FGD6: variants seen among roughly 807,000 people sequenced by gnomAD.
The protein encoded by FGD6 is FYVE, RhoGEF and PH domain-containing protein 6.
A neutral mutation model predicts 149.4 loss-of-function variants in FGD6; 90 were observed. The observed-to-expected ratio is 0.60, with a 90% CI of 0.51 to 0.72. FGD6 has a LOEUF of 0.72. FGD6 is among the 30% of genes least tolerant of loss of function. The pLI, the probability that FGD6 is intolerant of heterozygous loss-of-function variation, is 0.00. For missense variants in FGD6, 1,437 were observed against 1,684.8 expected (o/e 0.85, Z 2.57); for synonymous variants, 527 against 584.0 (o/e 0.90, Z 1.41).
At chr12:95,112,220 T>TA (rs1878849224) in intron 9 of FGD6, among the ~76,000 whole-genome samples, 1 of 146,718 alleles carries the variant, frequency 6.8e-6, no homozygotes, top group African/African-American at 2.5e-5. Context: ...GGTGACAAAG[T>TA]AAGACTCTGT....
chr12:95,158,862 A>AAAT (rs59224007), intron 3 of FGD6, among the ~76,000 whole-genome samples: 14,812 of 150,288 alleles, frequency 0.099, 764 homozygotes, highest in South Asian at 0.14. Flanking sequence ...TCGTTAGTAA[A>AAAT]AATAATAATA....
At chr12:95,153,946 T>TGTGTGA (rs1192369573) in intron 3 of FGD6, among the ~76,000 whole-genome samples, 27 of 137,618 alleles carry the variant, frequency 2.0e-4, no homozygotes, top group African/African-American at 7.5e-4. Context: ...TGTGTGTGTG[T>TGTGTGA]GAGTGAGAGA....
chr12:95,163,247 C>T (rs1488478181), intron 3 of FGD6, among the ~76,000 whole-genome samples: 3 of 152,112 alleles, frequency 2.0e-5, no homozygotes, highest in East Asian at 1.9e-4. Context: ...TGTCCCTTTG[C>T]GCATATACCT....
At chr12:95,148,803 GTTATATTACATATA>G (rs1329781419) in intron 5 of FGD6, among the ~76,000 whole-genome samples, 83 of 66,664 alleles carry the variant, frequency 1.2e-3, no homozygotes, top group South Asian at 2.8e-3. Context: ...CATAGCATAT[GTTATATTACATATA>G]TTATATATAT....
chr12:95,108,263 C>A, intron 11 of FGD6, 85 bp downstream of exon 11: 1 of 1,217,228 alleles, frequency 8.2e-7, no homozygotes, highest in Non-Finnish European at 1.2e-6. Context: ...ACAAAAACAA[C>A]CTATTTTTAT....
chr12:95,110,804 G>A (rs1408032853), intron 9 of FGD6, among the ~76,000 whole-genome samples: 1 of 152,144 alleles, frequency 6.6e-6, no homozygotes, highest in African/African-American at 2.4e-5. Context: ...AGCTGCTGCT[G>A]CTACTTGGTC....
At chr12:95,145,580 C>G (rs1477771484) in intron 5 of FGD6, among the ~76,000 whole-genome samples, 1 of 152,144 alleles carries the variant, frequency 6.6e-6, no homozygotes, top group Non-Finnish European at 1.5e-5. Flanking sequence ...CCACTTTGCT[C>G]CTCCTTGGCT....
chr12:95,170,656 G>A (rs1035544956), intron 3 of FGD6, among the ~76,000 whole-genome samples: 4 of 152,022 alleles, frequency 2.6e-5, no homozygotes, highest in Non-Finnish European at 5.9e-5. Flanking sequence ...AGAAAAGAAC[G>A]TTGGCTACAT....
At chr12:95,142,587 T>C (rs914354180) in intron 5 of FGD6, among the ~76,000 whole-genome samples, 5 of 152,226 alleles carry the variant, frequency 3.3e-5, no homozygotes, top group African/African-American at 1.2e-4. Flanking sequence ...AGGCACATGC[T>C]TGATAATCAG....
intron 6 of FGD6, among the ~76,000 whole-genome samples, chr12:95,140,632 AT>A (rs1156240828): frequency 4.6e-5 from 7 of 152,114 alleles, no homozygotes; most frequent in Non-Finnish European, 7.4e-5. Context: ...GAAAAAAAAA[AT>A]TGCTTTTCCA....
chr12:95,177,432 C>T (rs1881163350), intron 2 of FGD6, among the ~76,000 whole-genome samples: 2 of 152,190 alleles, frequency 1.3e-5, no homozygotes, highest in African/African-American at 4.8e-5. Flanking sequence ...TGTAATTCCT[C>T]CCAAGCTTGA....
At chr12:95,100,701 G>T in intron 14 of FGD6, 2 of 538,476 alleles carry the variant, frequency 3.7e-6, no homozygotes, top group East Asian at 5.1e-5. Context: ...GCAATGTGAA[G>T]TTGACTGCCC....
intron 13 of FGD6, among the ~76,000 whole-genome samples, chr12:95,106,437 ATTTT>A (rs60509163): frequency 0.64 from 93,967 of 147,948 alleles, 29,614 homozygotes; most frequent in East Asian, 0.68. Context: ...CGCCTGGCTA[ATTTT>A]TGTTTGTTTT....
At position 95,141,497 on chromosome 12, in the gene FGD6, TC is replaced by T; in HGVS notation, c.2727del (p.Lys910AsnfsTer3). 6.2e-7 allele frequency: 1 copy of T among 1,614,144 alleles called. No homozygotes were observed. Among genetic ancestry groups the T allele is most frequent in the Non-Finnish European group, 8.5e-7 (1 of 1,179,996 alleles). Reference sequence around the variant, plus strand: ...AGAATCCGGTCCTCAATCACTGGTTTCCCAAGTTGCCTGGAAGCATGAGCTA... The same window carrying T: ...AGAATCCGGTCCTCAATCACTGGTTTCCAAGTTGCCTGGAAGCATGAGCTA... ...DAVAHASRQL[G>X]KPVIEDRILN... On this transcript the variant is annotated frameshift_variant, in exon 6 of 21. Transcript: ENST00000343958. LOFTEE classifies it high-confidence loss of function.
chr12:95,199,500 A>G (rs1881813331), intron 2 of FGD6, among the ~76,000 whole-genome samples: 1 of 152,126 alleles, frequency 6.6e-6, no homozygotes, highest in Non-Finnish European at 1.5e-5. Flanking sequence ...AAACGATTTC[A>G]TTATCTATCC....
At position 95,209,567 on chromosome 12, in the gene FGD6, T is replaced by G. The variant is rs1262954914; in HGVS notation, c.1717A>C (p.Ile573Leu). 6.2e-7 allele frequency: 1 copy of G among 1,614,060 alleles called. No homozygotes were observed. The highest frequency in any genetic ancestry group is 8.5e-7 in the Non-Finnish European group (1 of 1,179,992). ...EKPVWKLPHP[I>L]LPFSGNPEFL... Reference sequence around the variant, plus strand: ...TCTGGGTTCCCTGAAAAGGGTAAAATAGGATGAGGTAACTTCCACACTGGC... The same window carrying G: ...TCTGGGTTCCCTGAAAAGGGTAAAAGAGGATGAGGTAACTTCCACACTGGC... The change falls in exon 2 of 21, where the codon ATT (isoleucine) becomes CTT (leucine). Residue 573 changes from isoleucine (I) to leucine (L), a missense_variant. Physicochemically the swap from Ile to Leu is conservative, Grantham distance 5. This residue lies in a region of FGD6 where 1,055 missense variants were observed against 1,146.0 expected (regional missense o/e 0.92). Coordinates refer to ENST00000343958, the MANE Select transcript of FGD6 (RefSeq NM_018351.4).
Position 95,079,857 on chromosome 12 carries a change from C to T in FGD6, c.*1663G>A, listed in dbSNP as rs1251278100. On this transcript the variant is annotated 3_prime_UTR_variant, in exon 21 of 21. Coordinates refer to ENST00000343958, the MANE Select transcript of FGD6 (RefSeq NM_018351.4). Reference sequence around the variant, plus strand: ...TCCTCATGGTTGCTGTTAAGGATCACACTGAATTAGGAAATCCTTTATTTA... The same window carrying T: ...TCCTCATGGTTGCTGTTAAGGATCATACTGAATTAGGAAATCCTTTATTTA... 2 of 151,816 alleles carry T rather than the reference C, an allele frequency of 1.3e-5. No homozygotes were observed. Among genetic ancestry groups the T allele is most frequent in the Non-Finnish European group, 2.9e-5 (2 of 68,000 alleles). The allele number at this position is 151,816 out of a possible 1,614,324, so 9.4% of individuals were successfully genotyped here.
intron 14 of FGD6, among the ~76,000 whole-genome samples, chr12:95,098,079 T>C (rs1878299485): frequency 6.6e-6 from 1 of 152,088 alleles, no homozygotes; most frequent in South Asian, 2.1e-4. Flanking sequence ...CCTACTTCCC[T>C]CTGAAATCCA....
intron 1 of FGD6, among the ~76,000 whole-genome samples, chr12:95,216,399 A>T (rs1158851739): frequency 1.3e-5 from 2 of 152,160 alleles, no homozygotes; most frequent in African/African-American, 4.8e-5. Context: ...ATAACACTCT[A>T]CTTAATACAT....
Sources: gnomAD v4.1 joint callset for allele counts (sites outside exome capture counted in the v4.1 genomes callset) on GRCh38, gnomAD v4.1.1 for gene constraint, gnomAD v4.1.1 regional missense constraint, MANE v1.5 for transcripts, NCBI Gene and HGNC (gene_info 2026-07-23, HGNC 2026-07-21) for gene names.